ABLIM1: variants seen among roughly 807,000 people sequenced by gnomAD.
The protein encoded by ABLIM1 is actin binding LIM protein 1.
In ABLIM1, 40 loss-of-function variants were observed where a neutral mutation model predicts 107.0. The observed-to-expected ratio is 0.37, with a 90% confidence interval of 0.29 to 0.49. The LOEUF is 0.49. Ranked by LOEUF, ABLIM1 falls within the 20% of genes least tolerant of loss-of-function variation. The pLI is 0.97. For missense variants in ABLIM1, 857 were observed against 1,008.5 expected (o/e 0.85, Z 2.04); for synonymous variants, 357 against 357.3 (o/e 1.00, Z 0.01).
chr10:114,734,775 T>C (rs2082145548), intron 1 of ABLIM1, among the ~76,000 whole-genome samples: 1 of 152,226 alleles, frequency 6.6e-6, no homozygotes, highest in African/African-American at 2.4e-5. Flanking sequence ...AACGGGAGGT[T>C]TCCTGAGGGT....
intron 4 of ABLIM1, among the ~76,000 whole-genome samples, chr10:114,551,376 G>A (rs1261040722): frequency 1.3e-5 from 2 of 152,220 alleles, no homozygotes; most frequent in African/African-American, 4.8e-5. Flanking sequence ...AGTCTTGAGG[G>A]CTTGGCCTGC....
At chr10:114,639,030 G>A (rs2078614035) in intron 1 of ABLIM1, among the ~76,000 whole-genome samples, 1 of 152,072 alleles carries the variant, frequency 6.6e-6, no homozygotes, top group Admixed American at 6.5e-5. Flanking sequence ...TTTTTGCAAG[G>A]TTTACAAAGC....
chr10:114,551,309 G>A (rs1388563440), intron 4 of ABLIM1, among the ~76,000 whole-genome samples: 1 of 152,220 alleles, frequency 6.6e-6, no homozygotes, highest in Non-Finnish European at 1.5e-5. Flanking sequence ...ACATCCCAGA[G>A]CTATGAAATA....
intron 12 of ABLIM1, among the ~76,000 whole-genome samples, chr10:114,461,061 T>C (rs1043760893): frequency 2.6e-5 from 4 of 151,850 alleles, no homozygotes; most frequent in African/African-American, 9.7e-5. Flanking sequence ...ATCTTTGTTT[T>C]CTTTCTTTTG....
At chr10:114,485,357 T>A (rs749518799) in intron 8 of ABLIM1, 1 of 1,612,754 alleles carries the variant, frequency 6.2e-7, no homozygotes, top group Non-Finnish European at 8.5e-7. Context: ...AGAAATCGGA[T>A]GAAGAACGCC....
chr10:114,588,588 C>A (rs1210294776), intron 2 of ABLIM1, among the ~76,000 whole-genome samples: 4 of 138,532 alleles, frequency 2.9e-5, no homozygotes, highest in African/African-American at 1.1e-4. Flanking sequence ...TCTACCTCCA[C>A]AGTTCAAGCA....
rs187611914 is a variant in ABLIM1 at position 114,619,475 on chromosome 10, G to A, written c.245-17514C>T. Among the ~76,000 whole-genome samples the A allele has an allele frequency of 2.1e-3, 315 of 152,260 alleles. 3 individuals are homozygous for A. Among genetic ancestry groups the A allele is most frequent in the African/African-American group, 7.1e-3 (294 of 41,546 alleles). ...GCCTCCCAAAGTGCTAGGATTACAG[G>A]CGTGAGCCACTGTGCCTGGCTGAAA... is the stretch of plus-strand genomic sequence containing the variant. On this transcript the variant is annotated intron_variant, in intron 1 of 22. Coordinates refer to ENST00000533213, the MANE Select transcript of ABLIM1 (RefSeq NM_002313.7). This position sits in a 1 kb window ranked among gnomAD's most constrained non-coding sequence, Gnocchi z 4.1.
chr10:114,475,947 T>C (rs577704879), intron 8 of ABLIM1, among the ~76,000 whole-genome samples: 3 of 152,210 alleles, frequency 2.0e-5, no homozygotes, highest in Non-Finnish European at 4.4e-5. Flanking sequence ...TAGTTTCTAT[T>C]GGTGTTTAAT....
chr10:114,695,720 G>A (rs1246646415), intron 1 of ABLIM1, among the ~76,000 whole-genome samples: 1 of 152,056 alleles, frequency 6.6e-6, no homozygotes, highest in African/African-American at 2.4e-5. Context: ...ATAATGCAAT[G>A]GCATTGGAGA....
chr10:114,787,694 C>T, the ABLIM1 span, among the ~76,000 whole-genome samples: 2 of 74,160 alleles, frequency 2.7e-5, no homozygotes, highest in African/African-American at 4.1e-5. Flanking sequence ...CCACCCCGTC[C>T]GGGAGGGAGG....
At chr10:114,486,712 T>C (rs1365509433) in intron 8 of ABLIM1, among the ~76,000 whole-genome samples, 1 of 112,492 alleles carries the variant, frequency 8.9e-6, no homozygotes, top group Non-Finnish European at 1.9e-5. Flanking sequence ...GAAAAAGTGT[T>C]TTTTTTTCCC....
rs1591433973 is a variant in ABLIM1, at chr10:114,589,214, TGTG to T, written c.379+12610_379+12612del. ...GTGTGTGTGTCTGTGTGTGTGTGTG[TGTG>T]TTTTTTTTTTTTTTTAAGAGACAGG... On this transcript the variant is annotated intron_variant, in intron 2 of 22. Transcript: ENST00000533213. 5.4e-5 allele frequency among the ~76,000 whole-genome samples: 8 copies of T among 147,404 alleles called. No homozygotes were observed. In the East Asian group the frequency reaches 1.6e-3, roughly 29 times the overall value.
At chr10:114,499,764 G>A (rs770573604) in intron 6 of ABLIM1, among the ~76,000 whole-genome samples, 12 of 152,338 alleles carry the variant, frequency 7.9e-5, no homozygotes, top group Non-Finnish European at 7.3e-5. Flanking sequence ...TGCTGCTTAC[G>A]TGGCAGGTGC....
At chr10:114,476,655 T>TAATAATAATAATAAG (rs2056466620) in intron 8 of ABLIM1, among the ~76,000 whole-genome samples, 1 of 148,700 alleles carries the variant, frequency 6.7e-6, no homozygotes. Context: ...AAAATAATAA[T>TAATAATAATAATAAG]AATAATAATA....
intron 4 of ABLIM1, among the ~76,000 whole-genome samples, chr10:114,570,743 G>T (rs893615378): frequency 1.3e-5 from 2 of 151,456 alleles, no homozygotes; most frequent in Non-Finnish European, 2.9e-5. Flanking sequence ...CAAGTGGTTG[G>T]GACTACAGAC....
rs1182876968 is a variant in ABLIM1, at chr10:114,658,255, T to C, written c.-55A>G. On this transcript the variant is annotated 5_prime_UTR_variant, in exon 1 of 23. Coordinates refer to ENST00000533213, the MANE Select transcript of ABLIM1 (RefSeq NM_002313.7). ...TGGGGAGTGGGGACCCAAGGAGCGG[T>C]GCTGCCCCACAATTCTCTCTGTTCC... 6.5e-7 allele frequency: 1 copy of C among 1,547,830 alleles called. No homozygotes were observed. The highest frequency in any genetic ancestry group is 1.9e-5 in the Admixed American group (1 of 52,378).
chr10:114,636,180 G>A (rs149601520), intron 1 of ABLIM1, among the ~76,000 whole-genome samples: 1,882 of 152,304 alleles, frequency 0.012, 23 homozygotes, highest in South Asian at 0.019. Flanking sequence ...AAGGAGGTAC[G>A]TAATGACGGG....
intron 1 of ABLIM1, among the ~76,000 whole-genome samples, chr10:114,625,389 G>A (rs903698051): frequency 1.3e-5 from 2 of 152,206 alleles, no homozygotes; most frequent in African/African-American, 2.4e-5. Context: ...GTGTGGGTGT[G>A]TGTTTTGGGA....
intron 1 of ABLIM1, among the ~76,000 whole-genome samples, chr10:114,620,810 A>C (rs2077419555): frequency 6.6e-6 from 1 of 152,152 alleles, no homozygotes; most frequent in East Asian, 1.9e-4. Flanking sequence ...GCTCTTGAAA[A>C]CTGCAAGGCC....
Sources: allele counts gnomAD v4.1 joint callset (sites outside exome capture counted in the v4.1 genomes callset), GRCh38; gene constraint gnomAD v4.1.1; non-coding constraint Gnocchi (gnomAD v3.1); transcripts MANE v1.5; gene names NCBI Gene and HGNC (gene_info 2026-07-23, HGNC 2026-07-21).